ANTXR2: variants seen among roughly 807,000 people sequenced by gnomAD.
The protein encoded by ANTXR2 is anthrax toxin receptor 2.
In ANTXR2, 44 loss-of-function variants were observed where a neutral mutation model predicts 73.7. That is an observed-to-expected ratio of 0.60 (90% CI 0.47 to 0.77). ANTXR2 has a LOEUF of 0.77. ANTXR2 is among the 30% of genes least tolerant of loss of function. ANTXR2 has a pLI of 0.00. For synonymous variants in ANTXR2, 217 were observed against 205.9 expected, an observed-to-expected ratio of 1.05 and a Z score of -0.46; for missense variants, 604 against 592.5, an observed-to-expected ratio of 1.02 and a Z score of -0.20.
rs539342313 is a variant in ANTXR2, at chr4:79,935,584, T to G, written c.1429-28117A>C. Among the ~76,000 whole-genome samples the G allele has an allele frequency of 7.2e-5, 11 of 151,926 alleles. No individual in the cohort carries two copies. In the East Asian group the frequency reaches 1.9e-3, roughly 27 times the overall value. On this transcript the variant is annotated intron_variant, in intron 16 of 16. Coordinates refer to ENST00000403729, the MANE Select transcript of ANTXR2 (RefSeq NM_058172.6). Reference sequence around the variant, plus strand: ...AGCTTTAACTAGGGTGAAGCCTGAGTCAAAACATTAAGAAGAAGAAGCAAA... The same window carrying G: ...AGCTTTAACTAGGGTGAAGCCTGAGGCAAAACATTAAGAAGAAGAAGCAAA...
rs1404207769 is a variant in ANTXR2, at chr4:80,073,052, C to T, written c.-492G>A. Reference sequence around the variant, plus strand: ...ACAAACTAGGAGTGGAGACTCTTCTCCTCCGGCGGCCCCAACTCCCTCCGC... The same window carrying T: ...ACAAACTAGGAGTGGAGACTCTTCTTCTCCGGCGGCCCCAACTCCCTCCGC... On this transcript the variant is annotated 5_prime_UTR_variant, in exon 1 of 17. Coordinates refer to ENST00000403729, the MANE Select transcript of ANTXR2 (RefSeq NM_058172.6). 6.5e-6 allele frequency: 1 copy of T among 153,156 alleles called. No homozygotes were observed. The highest frequency in any genetic ancestry group is 1.5e-5 in the Non-Finnish European group (1 of 68,768). 9.5% of individuals were successfully genotyped at this position (153,156 alleles called of 1,614,324 possible).
chr4:79,954,696 T>C (rs1175647226), intron 16 of ANTXR2, among the ~76,000 whole-genome samples: 1 of 152,212 alleles, frequency 6.6e-6, no homozygotes, highest in East Asian at 1.9e-4. Context: ...TACTTTCATC[T>C]AATTAATAAA....
chr4:80,003,506 A>G (rs1364470166), intron 12 of ANTXR2, among the ~76,000 whole-genome samples: 1 of 151,926 alleles, frequency 6.6e-6, no homozygotes, highest in East Asian at 1.9e-4. Context: ...GCACATGTAT[A>G]CATATGTAAC....
chr4:80,025,632 G>C (rs1732395379), intron 10 of ANTXR2, among the ~76,000 whole-genome samples: 1 of 152,144 alleles, frequency 6.6e-6, no homozygotes, highest in South Asian at 2.1e-4. Context: ...ATGTTCTGCA[G>C]TGCTTTTTAA....
At chr4:80,053,619 T>G (rs1733860862) in intron 7 of ANTXR2, among the ~76,000 whole-genome samples, 1 of 151,652 alleles carries the variant, frequency 6.6e-6, no homozygotes, top group African/African-American at 2.4e-5. Flanking sequence ...ATAGCAACTG[T>G]TCCCAGTGCT....
chr4:79,917,836 A>C (rs1727417508), intron 16 of ANTXR2, among the ~76,000 whole-genome samples: 1 of 152,138 alleles, frequency 6.6e-6, no homozygotes, highest in Non-Finnish European at 1.5e-5. Context: ...GAAGCATAAA[A>C]GTATGACTCA....
chr4:80,065,247 T>G (rs1292511185), intron 3 of ANTXR2, among the ~76,000 whole-genome samples: 1 of 152,192 alleles, frequency 6.6e-6, no homozygotes, highest in Non-Finnish European at 1.5e-5. Flanking sequence ...TAAAAATACT[T>G]TTTAATTAGT....
At chr4:80,014,396 G>A (rs996931796) in intron 11 of ANTXR2, among the ~76,000 whole-genome samples, 17 of 151,754 alleles carry the variant, frequency 1.1e-4, no homozygotes, top group African/African-American at 2.7e-4. Flanking sequence ...GTGAAACCCC[G>A]TCTCTACTAA....
At chr4:79,991,328 G>A (rs1730459824) in intron 12 of ANTXR2, among the ~76,000 whole-genome samples, 1 of 151,860 alleles carries the variant, frequency 6.6e-6, no homozygotes. Context: ...ACATATACAA[G>A]GCCAACAAGC....
chr4:79,979,269 A>T (rs900447329), intron 14 of ANTXR2, among the ~76,000 whole-genome samples: 4 of 152,180 alleles, frequency 2.6e-5, no homozygotes, highest in South Asian at 2.1e-4. Context: ...TCCAACCAGG[A>T]GTAGTGGAAA....
At chr4:79,918,040 C>T (rs1197181436) in intron 16 of ANTXR2, among the ~76,000 whole-genome samples, 1 of 151,438 alleles carries the variant, frequency 6.6e-6, no homozygotes, top group Non-Finnish European at 1.5e-5. Flanking sequence ...TAATAGGATA[C>T]CAAAACTAAA....
At chr4:80,067,654 G>A (rs532143342) in intron 3 of ANTXR2, among the ~76,000 whole-genome samples, 1 of 151,572 alleles carries the variant, frequency 6.6e-6, no homozygotes, top group African/African-American at 2.4e-5. Flanking sequence ...GCCATACACG[G>A]GTTGTGGACT....
At chr4:80,048,668 T>C (rs888543639) in intron 7 of ANTXR2, among the ~76,000 whole-genome samples, 1 of 151,696 alleles carries the variant, frequency 6.6e-6, no homozygotes, top group African/African-American at 2.4e-5. Flanking sequence ...TTCCCTCTTC[T>C]ATGAAAATGA....
chr4:79,926,065 G>C (rs777817440), intron 16 of ANTXR2, among the ~76,000 whole-genome samples: 2 of 152,032 alleles, frequency 1.3e-5, no homozygotes, highest in Admixed American at 6.6e-5. Context: ...CATCAAAATT[G>C]ATATTCAAAA....
At chr4:80,047,145 G>C (rs1436881464) in intron 7 of ANTXR2, among the ~76,000 whole-genome samples, 1 of 151,520 alleles carries the variant, frequency 6.6e-6, no homozygotes, top group Non-Finnish European at 1.5e-5. Flanking sequence ...TCACAAAGCT[G>C]TACTTATTTA....
chr4:80,024,349 G>A (rs1195314166), intron 10 of ANTXR2, among the ~76,000 whole-genome samples: 1 of 152,178 alleles, frequency 6.6e-6, no homozygotes, highest in East Asian at 1.9e-4. Flanking sequence ...GGAGGCATTT[G>A]GACAGCAGAC....
intron 12 of ANTXR2, among the ~76,000 whole-genome samples, chr4:79,995,993 C>T (rs1480544307): frequency 6.6e-6 from 1 of 151,966 alleles, no homozygotes; most frequent in Non-Finnish European, 1.5e-5. Context: ...CTGCCAGATG[C>T]CACATGCTCT....
In ANTXR2 at chr4:79,904,255, T is replaced by G. The variant is rs991716394; in HGVS notation, c.*3174A>C. 1 of 152,100 alleles carries G rather than the reference T, an allele frequency of 6.6e-6. No homozygotes were observed. Among genetic ancestry groups the G allele is most frequent in the African/African-American group, 2.4e-5 (1 of 41,444 alleles). The allele number at this position is 152,100 out of a possible 1,614,324, so 9.4% of individuals were successfully genotyped here. ...AACAAATATTGAATAATTTATTATT[T>G]AAATGGTTAGAATAAAGTTCAAGGG... On this transcript the variant is annotated 3_prime_UTR_variant, in exon 17 of 17. Transcript: ENST00000403729.
intron 12 of ANTXR2, among the ~76,000 whole-genome samples, chr4:79,999,735 G>A (rs1245596219): frequency 6.6e-6 from 1 of 151,980 alleles, no homozygotes; most frequent in South Asian, 2.1e-4. Context: ...AAGTAGCAAT[G>A]CCTGTAAAAC....
Sources: gnomAD v4.1 joint callset for allele counts (sites outside exome capture counted in the v4.1 genomes callset) on GRCh38, gnomAD v4.1.1 for gene constraint, MANE v1.5 for transcripts, NCBI Gene and HGNC (gene_info 2026-07-23, HGNC 2026-07-21) for gene names.